The following LHX8 variants were observed in gnomAD, a reference collection of about 807,000 sequenced individuals.
LHX8 encodes the protein LIM homeobox 8.
Under a neutral mutation model 40.3 loss-of-function variants are expected in LHX8, and 12 were observed. The observed-to-expected ratio is 0.30, with a 90% CI of 0.19 to 0.48. LHX8 has a LOEUF of 0.48. Ranked by LOEUF, LHX8 falls within the 20% of genes least tolerant of loss-of-function variation. LHX8 has a pLI of 0.99. For synonymous variants in LHX8, 179 were observed against 162.0 expected (o/e 1.10, Z -0.80); for missense variants, 344 against 433.7 (o/e 0.79, Z 1.84).
the LHX8 span, among the ~76,000 whole-genome samples, chr1:75,179,499 GTTGT>G: frequency 3.7e-5 from 4 of 107,182 alleles, no homozygotes; most frequent in Non-Finnish European, 7.8e-5. Flanking sequence ...TGCAACCCCT[GTTGT>G]TTTTTTTTTT....
chr1:75,135,795 G>C (rs1344882244), intron 1 of LHX8, among the ~76,000 whole-genome samples: 1 of 152,190 alleles, frequency 6.6e-6, no homozygotes, highest in African/African-American at 2.4e-5. Flanking sequence ...ATTAAATTCA[G>C]CTGGATATTT....
chr1:75,130,902 A>C, upstream of LHX8: 1 of 708,348 alleles, frequency 1.4e-6, no homozygotes, highest in South Asian at 1.5e-5. Context: ...TTTCACCTTC[A>C]GGGATCGAAG....
chr1:75,137,953 C>T (rs1648201359), intron 3 of LHX8, among the ~76,000 whole-genome samples: 1 of 152,184 alleles, frequency 6.6e-6, no homozygotes, highest in East Asian at 1.9e-4. Flanking sequence ...GCTGTTGTTA[C>T]ATCATCTTGA....
upstream of LHX8, chr1:75,133,104 C>T (rs1363443791): frequency 2.0e-5 from 3 of 152,218 alleles, no homozygotes; most frequent in African/African-American, 7.2e-5. Flanking sequence ...GTCCTCCTCC[C>T]TTCGCTCAGT....
At chr1:75,133,475 AG>A (rs1457167957), upstream of LHX8, among the ~76,000 whole-genome samples, 1 of 152,216 alleles carries the variant, frequency 6.6e-6, no homozygotes, top group Admixed American at 6.5e-5. Context: ...ATCTAATTAA[AG>A]CAAAATCCTA....
At chr1:75,153,241 G>C (rs1648659033) in intron 7 of LHX8, among the ~76,000 whole-genome samples, 1 of 152,074 alleles carries the variant, frequency 6.6e-6, no homozygotes, top group Non-Finnish European at 1.5e-5. Context: ...GAGTAGCTGG[G>C]ACTACAGGTG....
upstream of LHX8, chr1:75,130,458 G>A: frequency 1.7e-6 from 1 of 574,566 alleles, no homozygotes; most frequent in Admixed American, 3.0e-5. Flanking sequence ...GCCCGCCAGT[G>A]GATTCCCGGG....
At chr1:75,172,198 C>G in the LHX8 span, among the ~76,000 whole-genome samples, 1 of 152,188 alleles carries the variant, frequency 6.6e-6, no homozygotes, top group Non-Finnish European at 1.5e-5. Flanking sequence ...ACACACTCTA[C>G]TCATATCACA....
Position 75,134,611 on chromosome 1 carries a change from A to G in LHX8, c.-356A>G, listed in dbSNP as rs915067659. The stretch of plus-strand genomic sequence containing the variant: ...GAGTTGGTATGTGATAAGCAGCCCT[A>G]GCAGTGCCATGTATTGGAAGAACGA... On this transcript the variant is annotated 5_prime_UTR_variant, in exon 1 of 9. Coordinates refer to ENST00000356261, the MANE Select transcript of LHX8 (RefSeq NM_001256114.2). Among the ~76,000 whole-genome samples, 1 of 152,104 alleles carries G rather than the reference A, an allele frequency of 6.6e-6. No individual in the cohort carries two copies. The highest frequency in any genetic ancestry group is 2.4e-5 in the African/African-American group (1 of 41,422).
chr1:75,163,991 T>C (rs1648982431), downstream of LHX8, among the ~76,000 whole-genome samples: 1 of 152,214 alleles, frequency 6.6e-6, no homozygotes, highest in Non-Finnish European at 1.5e-5. Flanking sequence ...TTGATCTTGT[T>C]CACTACCTCC....
At chr1:75,136,745 G>A in intron 2 of LHX8, 56 bp downstream of exon 2, 1 of 1,375,530 alleles carries the variant, frequency 7.3e-7, no homozygotes, top group Non-Finnish European at 9.9e-7. Flanking sequence ...GGCGGCGCAG[G>A]ACGAAGGGCC....
At chr1:75,130,732 G>A, upstream of LHX8, 1 of 1,614,006 alleles carries the variant, frequency 6.2e-7, no homozygotes, top group South Asian at 1.1e-5. Flanking sequence ...TTCTGAGCAG[G>A]GTAAGTTTGT....
the LHX8 span, among the ~76,000 whole-genome samples, chr1:75,186,427 A>G: frequency 6.6e-6 from 1 of 152,200 alleles, no homozygotes; most frequent in Non-Finnish European, 1.5e-5. Flanking sequence ...GCTGACAAAA[A>G]CAAGTAATGG....
intron 8 of LHX8, among the ~76,000 whole-genome samples, 184 bp downstream of exon 8, chr1:75,157,260 GGAA>G (rs1425588093): frequency 6.6e-6 from 1 of 152,326 alleles, no homozygotes; most frequent in African/African-American, 2.4e-5. Flanking sequence ...TACATTTTAA[GGAA>G]GAAGTTTAAT....
upstream of LHX8, among the ~76,000 whole-genome samples, chr1:75,129,748 G>A (rs1011066436): frequency 6.6e-6 from 1 of 152,162 alleles, no homozygotes; most frequent in Non-Finnish European, 1.5e-5. Flanking sequence ...GACATCCCTG[G>A]GGAAGTGGGA....
At chr1:75,182,751 T>C in the LHX8 span, among the ~76,000 whole-genome samples, 3 of 152,232 alleles carry the variant, frequency 2.0e-5, no homozygotes, top group Non-Finnish European at 4.4e-5. Context: ...TCCAGTAATG[T>C]TATGCCTCTA....
At chr1:75,140,304 G>T (rs1264607339) in intron 3 of LHX8, among the ~76,000 whole-genome samples, 1 of 152,104 alleles carries the variant, frequency 6.6e-6, no homozygotes, top group Non-Finnish European at 1.5e-5. Flanking sequence ...AACCACTTAT[G>T]ATTAGATTTA....
Position 75,143,612 on chromosome 1 carries a change from G to A in LHX8, c.581-233G>A, listed in dbSNP as rs184815672. On this transcript the variant is annotated intron_variant, in intron 5 of 8. Coordinates refer to ENST00000356261, the MANE Select transcript of LHX8 (RefSeq NM_001256114.2). ...AAATAGTTGTTTTCCTGTATTTGCT[G>A]GGCCTTAGATGTGTACTTCTAACTT... is the stretch of plus-strand genomic sequence containing the variant. Among the ~76,000 whole-genome samples, 154 of 152,126 alleles carry A rather than the reference G, an allele frequency of 1.0e-3. 3 individuals carry two copies. In the East Asian group the frequency reaches 0.016, roughly 15 times the overall value.
At chr1:75,178,405 G>T in the LHX8 span, among the ~76,000 whole-genome samples, 12 of 152,188 alleles carry the variant, frequency 7.9e-5, no homozygotes, top group African/African-American at 2.6e-4. Context: ...TCTTGGGGGG[G>T]TGTATGTGTC....
Sources: allele counts gnomAD v4.1 joint callset (sites outside exome capture counted in the v4.1 genomes callset), GRCh38; gene constraint gnomAD v4.1.1; transcripts MANE v1.5; gene names NCBI Gene and HGNC (gene_info 2026-07-23, HGNC 2026-07-21).